Variants in MEPCE observed in about 807,000 individuals in gnomAD.
The protein encoded by MEPCE is 7SK snRNA methylphosphate capping enzyme.
Under a neutral mutation model 52.3 loss-of-function variants are expected in MEPCE, and 9 were observed. The ratio of observed to expected loss-of-function variants is 0.17; its 90% CI spans 0.10 to 0.30. The LOEUF (loss-of-function observed/expected upper bound fraction) is 0.30, where lower values mean the gene tolerates loss of function less well. MEPCE is among the 10% of genes least tolerant of loss of function. The pLI is 1.00. For synonymous variants in MEPCE, 477 were observed against 401.6 expected, an observed-to-expected ratio of 1.19 and a Z score of -2.25; for missense variants, 826 against 933.0, an observed-to-expected ratio of 0.89 and a Z score of 1.49.
chr7:100,430,197 C>T lies in MEPCE; in HGVS notation c.179C>T (p.Ser60Phe). Residue 60 changes from serine to phenylalanine, a missense_variant, in exon 1 of 4, where the codon TCC becomes TTC. By Grantham distance (155) the Ser-to-Phe change is radical (BLOSUM62 -2). Coordinates refer to ENST00000310512, the MANE Select transcript of MEPCE (RefSeq NM_019606.6). ...GGTCGTTGCGCGCCATCTGCGGGGT[C>T]CCCAGCCGCTGCGGTCGGTCGGGAA... ...GPGRCAPSAG[S>F]PAAAVGRESP... 13 of 1,310,894 alleles carry T rather than the reference C, an allele frequency of 9.9e-6. No homozygotes were observed. Among genetic ancestry groups the T allele is most frequent in the South Asian group, 4.6e-5 (2 of 43,852 alleles). 81.2% of individuals were successfully genotyped at this position (1,310,894 alleles called of 1,614,324 possible). A position where few individuals can be genotyped will look rare whatever the true frequency, so the allele number is the denominator to read the frequency against.
Position 100,432,872 on chromosome 7 carries a change from G to T in MEPCE, c.1672-47G>T, listed in dbSNP as rs200877817. On this transcript the variant is annotated intron_variant, in intron 1 of 3. Coordinates refer to ENST00000310512, the MANE Select transcript of MEPCE (RefSeq NM_019606.6). ...CAGAGCAGGTTGCCTGGGAGCAGGG[G>T]TTCTTTGATTCCCTCAGTTGACCTC... 3.1e-4 allele frequency: 489 copies of T among 1,572,664 alleles called. 1 individual carries two copies. In the Middle Eastern group the frequency reaches 4.0e-3, roughly 13 times the overall value.
Position 100,431,144 on chromosome 7 carries a change from G to T in MEPCE, c.1126G>T (p.Ala376Ser), listed in dbSNP as rs201654959. The change falls in exon 1 of 4, where the codon GCT (alanine) becomes TCT (serine). Residue 376 changes from alanine to serine, a missense_variant. Ala to Ser is a moderately conservative substitution (Grantham distance 99). This residue lies in a region of MEPCE where 307 missense variants were observed against 292.1 expected (regional missense o/e 1.05). Transcript: ENST00000310512. ...RRTSSKSEAG[A>S]RGGGQGSKEK... ...GACTTCCAGCAAGTCGGAGGCAGGG[G>T]CTAGGGGTGGAGGCCAGGGTTCCAA... is the stretch of plus-strand genomic sequence containing the variant. 4.3e-6 allele frequency: 7 copies of T among 1,613,742 alleles called. No homozygotes were observed. The African/African-American group carries it at 9.3e-5, about 21-fold the overall frequency.
intron 1 of MEPCE, among the ~76,000 whole-genome samples, chr7:100,432,619 G>C (rs1225892003): frequency 6.6e-6 from 1 of 152,190 alleles, no homozygotes; most frequent in Non-Finnish European, 1.5e-5. Flanking sequence ...AATAAACACA[G>C]GATATGGTCC....
Position 100,431,298 on chromosome 7 carries a change from C to T in MEPCE, c.1280C>T (p.Pro427Leu), listed in dbSNP as rs1238560378. ...TGCAAATACTATGGGTACCGCAATCCTTCCTGTGAGGATGGGCGCCTTCGG... is the reference window on the plus strand; with the variant it reads ...TGCAAATACTATGGGTACCGCAATCTTTCCTGTGAGGATGGGCGCCTTCGG... ...NYCKYYGYRN[P>L]SCEDGRLRVL... Residue 427 changes from proline to leucine, a missense_variant, in exon 1 of 4, where the codon CCT becomes CTT. Physicochemically the swap from Pro to Leu is moderately conservative, Grantham distance 98. Coordinates refer to ENST00000310512, the MANE Select transcript of MEPCE (RefSeq NM_019606.6). 6.2e-6 allele frequency: 10 copies of T among 1,614,050 alleles called. No homozygotes were observed. The highest frequency in any genetic ancestry group is 2.7e-5 in the African/African-American group (2 of 74,930).
In MEPCE at chr7:100,430,825, C is replaced by G; in HGVS notation, c.807C>G (p.His269Gln). 4 of 1,612,090 alleles carry G rather than the reference C, an allele frequency of 2.5e-6. No individual in the cohort carries two copies. Among genetic ancestry groups the G allele is most frequent in the Non-Finnish European group, 2.5e-6 (3 of 1,178,666 alleles). Residue 269 changes from histidine (H) to glutamine (Q), a missense_variant, in exon 1 of 4, where the codon CAC becomes CAG. Physicochemically the swap from His to Gln is conservative, Grantham distance 24. Transcript: ENST00000310512. The stretch of plus-strand genomic sequence containing the variant: ...AGCGGCATAGACACCGGGGACAGCA[C>G]CACCAGCAGCAGCAGGCAGCCGGAG... ...GRKRHRHRGQ[H>Q]HQQQQAAGGS... is the part of the protein sequence containing the mutation.
rs749274494 is a variant in MEPCE at position 100,430,389 on chromosome 7, T to A, written c.371T>A (p.Leu124Gln). Reference protein sequence around the residue: ...EERRGGGGTELGPPAPPRPRN... With the variant: ...EERRGGGGTEQGPPAPPRPRN... ...CGCCGGGGAGGGGGCGGGACAGAGC[T>A]GGGTCCCCCTGCTCCTCCTCGACCC... The change falls in exon 1 of 4, where the codon CTG becomes CAG. Residue 124 changes from leucine (L) to glutamine (Q), a missense_variant. Around this residue, in one of 7 missense-constraint regions of MEPCE, gnomAD observed 314 missense variants for 277.7 expected, o/e 1.13. Coordinates refer to ENST00000310512, the MANE Select transcript of MEPCE (RefSeq NM_019606.6). The A allele has an allele frequency of 1.3e-6, 2 of 1,503,924 alleles. No homozygotes were observed. The highest frequency in any genetic ancestry group is 1.9e-4 in the Middle Eastern group (1 of 5,206). The allele number at this position is 1,503,924 out of a possible 1,614,324, so 93.2% of individuals were successfully genotyped here.
chr7:100,429,865 C>A lies in MEPCE; in HGVS notation c.-154C>A. The A allele has an allele frequency of 1.7e-6, 1 of 590,728 alleles. No homozygotes were observed. The highest frequency in any genetic ancestry group is 2.5e-6 in the Non-Finnish European group (1 of 402,866). The allele number at this position is 590,728 out of a possible 1,614,324, so 36.6% of individuals were successfully genotyped here. A position where few individuals can be genotyped will look rare whatever the true frequency, so the allele number is the denominator to read the frequency against. ...TGGTCTCGCGGGCTAGTAGGGCGCA[C>A]TTGGCGGGGAGGCGCTTGGGCGCGA... is the stretch of plus-strand genomic sequence containing the variant. On this transcript the variant is annotated 5_prime_UTR_variant, in exon 1 of 4. Coordinates refer to ENST00000310512, the MANE Select transcript of MEPCE (RefSeq NM_019606.6).
At position 100,433,765 on chromosome 7, in the gene MEPCE, CCAT is replaced by C; in HGVS notation, c.*216_*218del. 1.7e-6 allele frequency: 1 copy of C among 590,700 alleles called. No individual in the cohort carries two copies. Among genetic ancestry groups the C allele is most frequent in the Non-Finnish European group, 3.0e-6 (1 of 334,638 alleles). 36.6% of individuals were successfully genotyped at this position (590,700 alleles called of 1,614,324 possible). ...AGCAAGGCTGGCTGTGCTGGAGTCACCATCATCTTCCTCTCCCCCAGCCTCCCA... is the reference window on the plus strand; with the variant it reads ...AGCAAGGCTGGCTGTGCTGGAGTCACCATCTTCCTCTCCCCCAGCCTCCCA... On this transcript the variant is annotated 3_prime_UTR_variant, in exon 4 of 4. Transcript: ENST00000310512.
At chr7:100,432,886 T>C in intron 1 of MEPCE, 33 bp from the exon 2 acceptor site, 2 of 1,599,934 alleles carry the variant, frequency 1.3e-6, no homozygotes, top group Non-Finnish European at 8.6e-7. Flanking sequence ...TTTGATTCCC[T>C]CAGTTGACCT....
chr7:100,430,701 A>G lies in MEPCE; in HGVS notation c.683A>G (p.Glu228Gly). 1 of 1,613,868 alleles carries G rather than the reference A, an allele frequency of 6.2e-7. No homozygotes were observed. The highest frequency in any genetic ancestry group is 1.1e-5 in the South Asian group (1 of 91,080). Residue 228 changes from glutamate (E) to glycine (G), a missense_variant, in exon 1 of 4, where the codon GAG becomes GGG. Physicochemically the swap from Glu to Gly is moderately conservative, Grantham distance 98. Transcript: ENST00000310512. ...CCGGCCAAAGGGCGAGATCCGGTGG[A>G]GATCCTCATCCCCAAAGATATTACT... ...PLPAKGRDPV[E>G]ILIPKDITDP... is the part of the protein sequence containing the mutation.
upstream of MEPCE, chr7:100,429,722 A>C: frequency 3.2e-6 from 1 of 316,660 alleles, no homozygotes. Flanking sequence ...TTCCCGGGCG[A>C]AGGGAACGCG....
In MEPCE at chr7:100,430,859, A is replaced by T; in HGVS notation, c.841A>T (p.Ser281Cys). The T allele has an allele frequency of 4.3e-6, 7 of 1,610,084 alleles. No individual in the cohort carries two copies. The highest frequency in any genetic ancestry group is 5.1e-6 in the Non-Finnish European group (6 of 1,177,470). ...QQQQAAGGSE[S>C]HPVPPTAPLT... ...GCAGCAGGCAGCCGGAGGGAGTGAGAGTCACCCCGTGCCGCCCACAGCCCC... is the reference window on the plus strand; with the variant it reads ...GCAGCAGGCAGCCGGAGGGAGTGAGTGTCACCCCGTGCCGCCCACAGCCCC... Residue 281 changes from serine to cysteine, a missense_variant, in exon 1 of 4, where the codon AGT becomes TGT. Physicochemically the swap from Ser to Cys is moderately radical, Grantham distance 112 (BLOSUM62 -1). Around this residue, in one of 7 missense-constraint regions of MEPCE, gnomAD observed 307 missense variants for 292.1 expected, o/e 1.05. Coordinates refer to ENST00000310512, the MANE Select transcript of MEPCE (RefSeq NM_019606.6).
Position 100,431,185 on chromosome 7 carries a change from G to A in MEPCE, c.1167G>A (p.Gly389=). ...GGQGSKEKGR[G]SWGGRHHHHH... ...AGGGTTCCAAGGAAAAGGGCCGAGG[G>A]AGTTGGGGAGGCCGCCACCACCACC... The change falls in exon 1 of 4, where the codon GGG becomes GGA. Residue 389 remains glycine (G), a synonymous_variant. Coordinates refer to ENST00000310512, the MANE Select transcript of MEPCE (RefSeq NM_019606.6). The A allele has an allele frequency of 6.2e-7, 1 of 1,613,720 alleles. No homozygotes were observed. The highest frequency in any genetic ancestry group is 1.7e-5 in the Admixed American group (1 of 60,014).
Position 100,430,764 on chromosome 7 carries a change from A to G in MEPCE, c.746A>G (p.His249Arg), listed in dbSNP as rs1482728752. Residue 249 changes from histidine (H) to arginine (R), a missense_variant, in exon 1 of 4, where the codon CAT becomes CGT. By Grantham distance (29) the His-to-Arg change is conservative. Around this residue, in one of 7 missense-constraint regions of MEPCE, gnomAD observed 307 missense variants for 292.1 expected, o/e 1.05. Coordinates refer to ENST00000310512, the MANE Select transcript of MEPCE (RefSeq NM_019606.6). ...LSLNTCTDEG[H>R]VVLASPLKTG... ...CTCAATACTTGCACTGATGAGGGCC[A>G]TGTAGTTCTTGCTTCGCCACTCAAG... is the stretch of plus-strand genomic sequence containing the variant. 3.1e-6 allele frequency: 5 copies of G among 1,613,866 alleles called. No individual in the cohort carries two copies. The highest frequency in any genetic ancestry group is 4.2e-6 in the Non-Finnish European group (5 of 1,180,016).
upstream of MEPCE, chr7:100,429,120 C>G (rs1426248223): frequency 1.3e-5 from 2 of 152,240 alleles, no homozygotes; most frequent in Admixed American, 1.3e-4. Flanking sequence ...GTCTCCCCTC[C>G]GCTCCCTCGG....
Position 100,431,198 on chromosome 7 carries a change from C to G in MEPCE, c.1180C>G (p.Arg394Gly). The change falls in exon 1 of 4, where the codon CGC (arginine) becomes GGC (glycine). Residue 394 changes from arginine to glycine, a missense_variant. By Grantham distance (125) the Arg-to-Gly change is moderately radical. This residue lies in a region of MEPCE where 307 missense variants were observed against 292.1 expected (regional missense o/e 1.05). Transcript: ENST00000310512. ...KEKGRGSWGG[R>G]HHHHHPLPAA... Reference sequence around the variant, plus strand: ...AAAGGGCCGAGGGAGTTGGGGAGGCCGCCACCACCACCACCACCCACTGCC... The same window carrying G: ...AAAGGGCCGAGGGAGTTGGGGAGGCGGCCACCACCACCACCACCCACTGCC... 1 of 1,613,684 alleles carries G rather than the reference C, an allele frequency of 6.2e-7. No individual in the cohort carries two copies. The highest frequency in any genetic ancestry group is 8.5e-7 in the Non-Finnish European group (1 of 1,179,992).
At chr7:100,431,738 G>T in intron 1 of MEPCE, 49 bp downstream of exon 1, 9 of 1,465,246 alleles carry the variant, frequency 6.1e-6, no homozygotes, top group Non-Finnish European at 8.2e-6. Flanking sequence ...GTGAAGATGA[G>T]ATTAAATGGG....
At position 100,430,902 on chromosome 7, in the gene MEPCE, A is replaced by T. The variant is rs767465571; in HGVS notation, c.884A>T (p.His295Leu). Residue 295 changes from histidine (H) to leucine (L), a missense_variant, in exon 1 of 4, where the codon CAC becomes CTC. His to Leu is a moderately conservative substitution (Grantham distance 99). Around this residue, in one of 7 missense-constraint regions of MEPCE, gnomAD observed 307 missense variants for 292.1 expected, o/e 1.05. Coordinates refer to ENST00000310512, the MANE Select transcript of MEPCE (RefSeq NM_019606.6). ...PPTAPLTPLLHGEGASQQPRH... is the reference protein window; with the variant it reads ...PPTAPLTPLLLGEGASQQPRH... ...ACAGCCCCTCTCACCCCCTTACTCC[A>T]CGGGGAGGGCGCCTCACAGCAGCCG... is the stretch of plus-strand genomic sequence containing the variant. The T allele has an allele frequency of 5.0e-6, 8 of 1,608,900 alleles. No homozygotes were observed. The highest frequency in any genetic ancestry group is 5.9e-6 in the Non-Finnish European group (7 of 1,177,036).
At position 100,430,654 on chromosome 7, in the gene MEPCE, G is replaced by A. The variant is rs1267284228; in HGVS notation, c.636G>A (p.Glu212=). ...DEEVSRTLNA[E]TPKSSPLPAK... is the part of the protein sequence containing the mutation. ...AAGTGAGCCGCACTCTCAACGCGGAGACCCCTAAGTCATCCCCCCTTCCGG... is the reference window on the plus strand; with the variant it reads ...AAGTGAGCCGCACTCTCAACGCGGAAACCCCTAAGTCATCCCCCCTTCCGG... The change falls in exon 1 of 4, where the codon GAG becomes GAA. Residue 212 remains glutamate (E), a synonymous_variant. Coordinates refer to ENST00000310512, the MANE Select transcript of MEPCE (RefSeq NM_019606.6). 2 of 1,613,770 alleles carry A rather than the reference G, an allele frequency of 1.2e-6. No individual in the cohort carries two copies. Among genetic ancestry groups the A allele is most frequent in the South Asian group, 2.2e-5 (2 of 91,072 alleles).
Sources: allele counts gnomAD v4.1 joint callset (sites outside exome capture counted in the v4.1 genomes callset), GRCh38; gene constraint gnomAD v4.1.1; regional missense constraint gnomAD v4.1.1; transcripts MANE v1.5; gene names NCBI Gene and HGNC (gene_info 2026-07-23, HGNC 2026-07-21).